GRID1: variants seen among roughly 807,000 people sequenced by gnomAD.
GRID1 encodes glutamate receptor ionotropic, delta-1.
In GRID1, 28 loss-of-function variants were observed where a neutral mutation model predicts 98.0. That is an observed-to-expected ratio of 0.29 (90% CI 0.21 to 0.39). The LOEUF (loss-of-function observed/expected upper bound fraction) is 0.39. Among genes scored for constraint, GRID1 ranks in the 10% least tolerant of loss-of-function variants. The probability of loss-of-function intolerance (pLI) is 1.00; values close to 1 mark genes in which losing one functional copy is unlikely to be tolerated. For synonymous variants in GRID1, 553 were observed against 538.5 expected, an observed-to-expected ratio of 1.03 and a Z score of -0.37; for missense variants, 1,111 against 1,340.5, an observed-to-expected ratio of 0.83 and a Z score of 2.67.
intron 2 of GRID1, among the ~76,000 whole-genome samples, chr10:86,318,565 G>A (rs1564737503): frequency 6.6e-6 from 1 of 152,196 alleles, no homozygotes; most frequent in Non-Finnish European, 1.5e-5. Flanking sequence ...CAGGGCCTGA[G>A]GACAAGAGAA....
intron 3 of GRID1, among the ~76,000 whole-genome samples, chr10:86,170,668 C>T (rs1845471846): frequency 6.6e-6 from 1 of 151,616 alleles, no homozygotes; most frequent in African/African-American, 2.4e-5. Context: ...CAAACACACC[C>T]ACACACATAC....
intron 15 of GRID1, among the ~76,000 whole-genome samples, chr10:85,607,897 A>T (rs2132507799): frequency 6.7e-6 from 1 of 148,568 alleles, no homozygotes; most frequent in Non-Finnish European, 1.5e-5. Flanking sequence ...GGCTCACTGC[A>T]GCCTTGAACT....
intron 4 of GRID1, among the ~76,000 whole-genome samples, chr10:85,940,003 G>A (rs576425346): frequency 1.5e-4 from 23 of 150,692 alleles, no homozygotes; most frequent in Non-Finnish European, 3.1e-4. Context: ...GGAGGCGGAG[G>A]TTGCAGTGAG....
chr10:86,034,350 G>A (rs1395193739), intron 4 of GRID1, among the ~76,000 whole-genome samples: 1 of 152,082 alleles, frequency 6.6e-6, no homozygotes, highest in Non-Finnish European at 1.5e-5. Flanking sequence ...CAAATGGAGG[G>A]AAAGACACCA....
At chr10:86,039,556 A>G (rs1457997473) in intron 4 of GRID1, among the ~76,000 whole-genome samples, 1 of 152,166 alleles carries the variant, frequency 6.6e-6, no homozygotes, top group Non-Finnish European at 1.5e-5. Context: ...GAAAGGTTTT[A>G]CCTGCTTGGT....
At chr10:85,636,317 T>C (rs1185694725) in intron 13 of GRID1, among the ~76,000 whole-genome samples, 1 of 152,170 alleles carries the variant, frequency 6.6e-6, no homozygotes, top group Non-Finnish European at 1.5e-5. Context: ...ATTAACTGAG[T>C]TCAGCACTAG....
At chr10:86,063,866 C>T (rs1843682723) in intron 4 of GRID1, among the ~76,000 whole-genome samples, 1 of 152,168 alleles carries the variant, frequency 6.6e-6, no homozygotes, top group Non-Finnish European at 1.5e-5. Flanking sequence ...TGCATTTGTT[C>T]ATGAACTGTC....
In GRID1 at chr10:85,711,458, G is replaced by T. The variant is rs548919464; in HGVS notation, c.1997+11545C>A. Among the ~76,000 whole-genome samples the T allele has an allele frequency of 1.9e-4, 29 of 152,014 alleles. No individual in the cohort carries two copies. The Middle Eastern group carries it at 0.014, about 71-fold the overall frequency. On this transcript the variant is annotated intron_variant, in intron 12 of 15. Coordinates refer to ENST00000327946, the MANE Select transcript of GRID1 (RefSeq NM_017551.3). Reference sequence around the variant, plus strand: ...TATACAGACAGAAAATAGAATGGTGGTTTCCAGCATCCAGAGAAAATGGGA... The same window carrying T: ...TATACAGACAGAAAATAGAATGGTGTTTTCCAGCATCCAGAGAAAATGGGA...
At chr10:86,019,939 C>G (rs1010918951) in intron 4 of GRID1, among the ~76,000 whole-genome samples, 1 of 152,168 alleles carries the variant, frequency 6.6e-6, no homozygotes, top group Non-Finnish European at 1.5e-5. Context: ...GGAAATATGG[C>G]CATGCTAGGC....
intron 4 of GRID1, among the ~76,000 whole-genome samples, chr10:86,012,860 C>G (rs1381475332): frequency 2.0e-5 from 3 of 152,198 alleles, no homozygotes. Flanking sequence ...AAATAAATTA[C>G]TATTGTTTAT....
At chr10:85,689,840 C>T (rs1841312858) in intron 12 of GRID1, among the ~76,000 whole-genome samples, 1 of 152,122 alleles carries the variant, frequency 6.6e-6, no homozygotes, top group Non-Finnish European at 1.5e-5. Flanking sequence ...TTCTACCAGT[C>T]AAGTTATTCT....
chr10:86,112,219 G>A (rs56301621), intron 4 of GRID1, among the ~76,000 whole-genome samples: 4,040 of 152,288 alleles, frequency 0.027, 128 homozygotes, highest in South Asian at 0.14. Context: ...CCAGGAGCAG[G>A]CAGGCTTAGC....
intron 12 of GRID1, among the ~76,000 whole-genome samples, chr10:85,660,945 C>T (rs1016955239): frequency 6.6e-6 from 1 of 152,128 alleles, no homozygotes; most frequent in African/African-American, 2.4e-5. Flanking sequence ...CTCATCTACA[C>T]AACAGGAATA....
chr10:85,731,852 GAAGAAAGGGAGGGAGGAAGGGATA>G (rs1564573273), intron 8 of GRID1, among the ~76,000 whole-genome samples: 2 of 129,982 alleles, frequency 1.5e-5, no homozygotes, highest in Non-Finnish European at 3.2e-5. Flanking sequence ...AGGGAGGGAG[GAAGAAAGGGAGGGAGGAAGGGATA>G]AAGAAAGGGA....
chr10:85,920,758 G>T (rs1036721204), intron 4 of GRID1, among the ~76,000 whole-genome samples: 2 of 152,198 alleles, frequency 1.3e-5, no homozygotes, highest in Non-Finnish European at 2.9e-5. Context: ...GTATCCTGTG[G>T]GCGGGGAGGG....
intron 2 of GRID1, among the ~76,000 whole-genome samples, chr10:86,320,448 T>C (rs1008532557): frequency 2.0e-5 from 3 of 152,152 alleles, no homozygotes; most frequent in East Asian, 1.9e-4. Flanking sequence ...AAAAGTACTA[T>C]ATGATTCCAC....
intron 2 of GRID1, among the ~76,000 whole-genome samples, chr10:86,332,731 C>T (rs1848165215): frequency 6.6e-6 from 1 of 151,990 alleles, no homozygotes; most frequent in African/African-American, 2.4e-5. Context: ...CCCAAGTACC[C>T]CAAACTCCAT....
At chr10:86,275,671 GAACA>G (rs1847257730) in intron 2 of GRID1, among the ~76,000 whole-genome samples, 1 of 152,082 alleles carries the variant, frequency 6.6e-6, no homozygotes, top group East Asian at 1.9e-4. Context: ...GAGCAGATTT[GAACA>G]GACAGAAGAC....
intron 6 of GRID1, among the ~76,000 whole-genome samples, chr10:85,865,165 A>G (rs1843202735): frequency 6.6e-6 from 1 of 152,214 alleles, no homozygotes. Context: ...TCAAGGAAAC[A>G]AGAATCAAAA....
Sources: gnomAD v4.1 joint callset for allele counts (sites outside exome capture counted in the v4.1 genomes callset) on GRCh38, gnomAD v4.1.1 for gene constraint, MANE v1.5 for transcripts, NCBI Gene and HGNC (gene_info 2026-07-23, HGNC 2026-07-21) for gene names.